Variants in NDUFAF2 observed in about 807,000 individuals in gnomAD.
NDUFAF2 encodes the protein NADH dehydrogenase [ubiquinone] 1 alpha subcomplex assembly factor 2.
In NDUFAF2, 13 loss-of-function variants were observed where a neutral mutation model predicts 22.8. The ratio of observed to expected loss-of-function variants is 0.57; its 90% confidence interval spans 0.37 to 0.91. NDUFAF2 has a LOEUF of 0.91. Ranked by LOEUF, NDUFAF2 falls within the 40% of genes least tolerant of loss-of-function variation. The probability of loss-of-function intolerance (pLI) is 0.01; values close to 1 mark genes in which losing one functional copy is unlikely to be tolerated. For missense variants in NDUFAF2, 162 were observed against 195.2 expected (o/e 0.83, Z 1.01); for synonymous variants, 53 against 64.2 (o/e 0.83, Z 0.84).
chr5:61,065,942 A>T lies in NDUFAF2; in HGVS notation c.128-7183A>T, dbSNP rs553657879. On this transcript the variant is annotated intron_variant, in intron 1 of 3. Transcript: ENST00000296597. Reference sequence around the variant, plus strand: ...AAACATGATCCTATATATAAAAAAAATTTTAAGATTTTAGCAAAAATAAAA... The same window carrying T: ...AAACATGATCCTATATATAAAAAAATTTTTAAGATTTTAGCAAAAATAAAA... Among the ~76,000 whole-genome samples the T allele has an allele frequency of 2.4e-3, 358 of 152,108 alleles. 3 individuals carry two copies. The highest frequency in any genetic ancestry group is 8.4e-3 in the African/African-American group (349 of 41,540).
chr5:60,993,871 G>A (rs1422589166), intron 1 of NDUFAF2, among the ~76,000 whole-genome samples: 1 of 152,210 alleles, frequency 6.6e-6, no homozygotes, highest in Admixed American at 6.5e-5. Flanking sequence ...TTGTCCATGA[G>A]CAGGTCCTGA....
intron 1 of NDUFAF2, among the ~76,000 whole-genome samples, chr5:61,022,878 C>T (rs552445513): frequency 6.6e-6 from 1 of 152,344 alleles, no homozygotes; most frequent in Admixed American, 6.5e-5. Context: ...CTCCTCACCT[C>T]AGGTGATCTG....
At chr5:61,095,962 C>A (rs1752634661) in intron 2 of NDUFAF2, among the ~76,000 whole-genome samples, 1 of 152,102 alleles carries the variant, frequency 6.6e-6, no homozygotes, top group African/African-American at 2.4e-5. Flanking sequence ...CCATGAGAGC[C>A]ACGTACCCTA....
At chr5:61,051,935 C>A (rs972641428) in intron 1 of NDUFAF2, among the ~76,000 whole-genome samples, 62 of 152,136 alleles carry the variant, frequency 4.1e-4, no homozygotes, top group African/African-American at 1.4e-3. Flanking sequence ...AAGGAGAAAC[C>A]TTTAAGTCAG....
At chr5:60,961,765 CAA>C (rs11333036) in intron 1 of NDUFAF2, among the ~76,000 whole-genome samples, 5,085 of 114,744 alleles carry the variant, frequency 0.044, 227 homozygotes, top group African/African-American at 0.13. Flanking sequence ...GACTCTGTCT[CAA>C]AAAAAAAAAA....
intron 1 of NDUFAF2, among the ~76,000 whole-genome samples, chr5:60,960,121 T>C (rs1405210295): frequency 1.3e-5 from 2 of 152,144 alleles, no homozygotes; most frequent in East Asian, 1.9e-4. Flanking sequence ...ATGGAACTAA[T>C]AATGGATGAG....
intron 3 of NDUFAF2, among the ~76,000 whole-genome samples, chr5:61,110,197 C>T (rs565439258): frequency 8.6e-5 from 13 of 151,740 alleles, no homozygotes; most frequent in Middle Eastern, 3.4e-3. Context: ...ATTTGGTTTG[C>T]TAGTATTTTG....
At chr5:61,063,636 A>G (rs951566402) in intron 1 of NDUFAF2, among the ~76,000 whole-genome samples, 1 of 152,182 alleles carries the variant, frequency 6.6e-6, no homozygotes, top group African/African-American at 2.4e-5. Flanking sequence ...GAGTTTTTGT[A>G]TGCATCAATG....
intron 3 of NDUFAF2, among the ~76,000 whole-genome samples, chr5:61,124,741 G>A (rs1441464218): frequency 6.6e-6 from 1 of 152,004 alleles, no homozygotes; most frequent in African/African-American, 2.4e-5. Flanking sequence ...GTGTTCAATT[G>A]GATAGTATTC....
chr5:61,107,169 C>T (rs1474847274), intron 3 of NDUFAF2, among the ~76,000 whole-genome samples: 1 of 150,930 alleles, frequency 6.6e-6, no homozygotes, highest in Non-Finnish European at 1.5e-5. Context: ...AAACTCTTCT[C>T]CATGGTGGTT....
intron 3 of NDUFAF2, among the ~76,000 whole-genome samples, chr5:61,151,672 G>A (rs1741241652): frequency 6.6e-6 from 1 of 152,174 alleles, no homozygotes; most frequent in Non-Finnish European, 1.5e-5. Flanking sequence ...CAGCTACTCG[G>A]GAGGCTGAGG....
chr5:61,011,863 G>C (rs1275188577), intron 1 of NDUFAF2, among the ~76,000 whole-genome samples: 3 of 151,960 alleles, frequency 2.0e-5, no homozygotes, highest in African/African-American at 7.2e-5. Context: ...TAGGTGTTTA[G>C]TATGTTCTCT....
At chr5:60,971,448 G>A (rs555220031) in intron 1 of NDUFAF2, among the ~76,000 whole-genome samples, 11 of 151,974 alleles carry the variant, frequency 7.2e-5, no homozygotes, top group African/African-American at 1.7e-4. Context: ...CACCGTGCCC[G>A]GCTAATTTTT....
At chr5:61,056,300 A>G (rs529401860) in intron 1 of NDUFAF2, among the ~76,000 whole-genome samples, 2 of 152,168 alleles carry the variant, frequency 1.3e-5, no homozygotes, top group South Asian at 4.1e-4. Context: ...GGCATATCTT[A>G]CTATTAGTGA....
chr5:61,045,588 C>G (rs1751944078), intron 1 of NDUFAF2, among the ~76,000 whole-genome samples: 1 of 151,958 alleles, frequency 6.6e-6, no homozygotes, highest in Non-Finnish European at 1.5e-5. Flanking sequence ...GTCCTCCCAC[C>G]TTGGCCTACT....
chr5:61,074,628 C>T (rs905365597), intron 2 of NDUFAF2, among the ~76,000 whole-genome samples: 2 of 151,730 alleles, frequency 1.3e-5, no homozygotes, highest in Non-Finnish European at 2.9e-5. Context: ...GTCGTGGTGG[C>T]ACAGGCCTGT....
intron 1 of NDUFAF2, among the ~76,000 whole-genome samples, chr5:60,989,377 T>G (rs1044484625): frequency 1.3e-5 from 2 of 152,038 alleles, no homozygotes; most frequent in African/African-American, 2.4e-5. Flanking sequence ...TTAGAACTAC[T>G]TTTAAACCCA....
chr5:60,967,939 T>A (rs72757187), intron 1 of NDUFAF2, among the ~76,000 whole-genome samples: 58,181 of 150,888 alleles, frequency 0.39, 12,203 homozygotes, highest in East Asian at 0.8. Flanking sequence ...TTTAAATGTT[T>A]GGTAGAATTC....
chr5:61,070,596 T>TACACACACACACAC (rs10651718), intron 1 of NDUFAF2, among the ~76,000 whole-genome samples: 62 of 148,068 alleles, frequency 4.2e-4, no homozygotes, highest in African/African-American at 1.5e-3. Flanking sequence ...TGTCTTTGCA[T>TACACACACACACAC]ACACACACAC....
Sources: allele counts gnomAD v4.1 joint callset (sites outside exome capture counted in the v4.1 genomes callset), GRCh38; gene constraint gnomAD v4.1.1; transcripts MANE v1.5; gene names NCBI Gene and HGNC (gene_info 2026-07-23, HGNC 2026-07-21).